Variants in CUX2 observed in about 807,000 individuals in gnomAD.
The protein encoded by CUX2 is cut like homeobox 2.
A neutral mutation model predicts 144.8 loss-of-function variants in CUX2; 40 were observed. The observed-to-expected ratio is 0.28, with a 90% CI of 0.21 to 0.36. The LOEUF (loss-of-function observed/expected upper bound fraction) is 0.36, where lower values mean the gene tolerates loss of function less well. Ranked by LOEUF, CUX2 falls within the 10% of genes least tolerant of loss-of-function variation. The pLI is 1.00. For missense variants in CUX2, 1,615 were observed against 1,994.0 expected, an observed-to-expected ratio of 0.81 and a Z score of 3.62; for synonymous variants, 827 against 875.6, an observed-to-expected ratio of 0.94 and a Z score of 0.98.
chr12:111,275,969 G>A (rs1008817246), intron 4 of CUX2, among the ~76,000 whole-genome samples: 1 of 152,008 alleles, frequency 6.6e-6, no homozygotes, highest in Non-Finnish European at 1.5e-5. Context: ...TATTTTTATG[G>A]TTGAAGCACC....
At chr12:111,075,442 G>A (rs1871479884) in intron 1 of CUX2, among the ~76,000 whole-genome samples, 2 of 152,140 alleles carry the variant, frequency 1.3e-5, no homozygotes, top group African/African-American at 4.8e-5. Context: ...TCTCCTGGAT[G>A]TTCTCTGGGG....
At chr12:111,179,465 G>A (rs1283192091) in intron 1 of CUX2, among the ~76,000 whole-genome samples, 1 of 152,118 alleles carries the variant, frequency 6.6e-6, no homozygotes, top group Non-Finnish European at 1.5e-5. Flanking sequence ...ACTTCTTTGG[G>A]CCTCAGTTTC....
intron 4 of CUX2, among the ~76,000 whole-genome samples, chr12:111,266,969 G>A (rs1481280898): frequency 1.3e-5 from 2 of 152,194 alleles, no homozygotes; most frequent in Non-Finnish European, 2.9e-5. Flanking sequence ...GCCCAGGTGG[G>A]AGGATCACTT....
At chr12:111,084,863 G>C in intron 1 of CUX2, among the ~76,000 whole-genome samples, 1 of 152,148 alleles carries the variant, frequency 6.6e-6, no homozygotes, top group East Asian at 1.9e-4. Flanking sequence ...CTTCTGGAGA[G>C]GCTGCTGCGG....
chr12:111,265,319 A>ATTTTATTTTATTTTATTTTAT (rs1347566257), intron 4 of CUX2, among the ~76,000 whole-genome samples: 24 of 68,228 alleles, frequency 3.5e-4, no homozygotes, highest in African/African-American at 1.6e-3. Context: ...TTTTTATTTT[A>ATTTTATTTTATTTTATTTTAT]TTTTATTTTA....
At position 111,059,391 on chromosome 12, in the gene CUX2, C is replaced by T. The variant is rs905925352; in HGVS notation, c.63+25151C>T. On this transcript the variant is annotated intron_variant, in intron 1 of 21. Transcript: ENST00000261726. This position sits in a 1 kb window ranked among gnomAD's most constrained non-coding sequence, Gnocchi z 5.3. ...AATGTTCTTGATAAGGCTAGGTGCC[C>T]CTGGCCCCAGCGAGGGGCTTCTTGG... is the stretch of plus-strand genomic sequence containing the variant. Among the ~76,000 whole-genome samples the T allele has an allele frequency of 2.0e-5, 3 of 152,232 alleles. No homozygotes were observed. Among genetic ancestry groups the T allele is most frequent in the Non-Finnish European group, 4.4e-5 (3 of 68,040 alleles).
intron 1 of CUX2, among the ~76,000 whole-genome samples, chr12:111,088,341 C>A (rs1324638643): frequency 2.0e-5 from 3 of 152,316 alleles, no homozygotes; most frequent in African/African-American, 7.2e-5. Context: ...ATCCTCCCTT[C>A]TCAGCCTCCC....
chr12:111,193,561 G>A (rs1055206471), intron 1 of CUX2, among the ~76,000 whole-genome samples: 3 of 152,112 alleles, frequency 2.0e-5, no homozygotes, highest in East Asian at 1.9e-4. Context: ...TTTCTCCCTC[G>A]CTATTGTAAT....
intron 18 of CUX2, among the ~76,000 whole-genome samples, chr12:111,334,147 A>G (rs1047181287): frequency 1.3e-5 from 2 of 151,474 alleles, no homozygotes; most frequent in African/African-American, 4.9e-5. Context: ...AGATCACACC[A>G]CTGCACTCCA....
At chr12:111,076,172 G>A (rs1871527094) in intron 1 of CUX2, among the ~76,000 whole-genome samples, 1 of 152,178 alleles carries the variant, frequency 6.6e-6, no homozygotes, top group South Asian at 2.1e-4. Flanking sequence ...AGGCAAGTCA[G>A]CATCATCATT....
rs368893159 is a variant in CUX2, at chr12:111,217,844, G to A, written c.175-46G>A. ...AGCTACAAGCAGGGGCCACGGGGGCGTCCCACCTGGCACTGTAGTGAACTC... is the reference window on the plus strand; with the variant it reads ...AGCTACAAGCAGGGGCCACGGGGGCATCCCACCTGGCACTGTAGTGAACTC... On this transcript the variant is annotated intron_variant, in intron 2 of 21. Coordinates refer to ENST00000261726, the MANE Select transcript of CUX2 (RefSeq NM_015267.4). 1.8e-4 allele frequency: 286 copies of A among 1,603,568 alleles called. No homozygotes were observed. The East Asian group carries it at 4.6e-3, about 26-fold the overall frequency.
At chr12:111,314,406 C>T (rs1247147112) in intron 16 of CUX2, among the ~76,000 whole-genome samples, 2 of 151,996 alleles carry the variant, frequency 1.3e-5, no homozygotes, top group African/African-American at 4.8e-5. Flanking sequence ...AGGCCGAGGC[C>T]AAGGCGGGCA....
intron 3 of CUX2, among the ~76,000 whole-genome samples, chr12:111,249,305 A>G (rs1883438101): frequency 6.6e-6 from 1 of 151,826 alleles, no homozygotes. Context: ...CCCATCTGTG[A>G]AATGAGGAAG....
At chr12:111,230,367 G>C (rs1462507870) in intron 3 of CUX2, among the ~76,000 whole-genome samples, 4 of 152,158 alleles carry the variant, frequency 2.6e-5, no homozygotes, top group Non-Finnish European at 4.4e-5. Flanking sequence ...TCACTATTCA[G>C]TGTGGTCACC....
intron 1 of CUX2, among the ~76,000 whole-genome samples, chr12:111,086,465 T>C (rs1286752729): frequency 6.6e-6 from 1 of 152,220 alleles, no homozygotes; most frequent in East Asian, 1.9e-4. Flanking sequence ...TCATAGTTAA[T>C]GAGGAACTGT....
At chr12:111,311,450 G>A (rs575682210) in intron 15 of CUX2, among the ~76,000 whole-genome samples, 40 of 152,070 alleles carry the variant, frequency 2.6e-4, no homozygotes, top group Non-Finnish European at 4.9e-4. Context: ...CACCATGCCT[G>A]GCTAATTTTT....
At chr12:111,334,794 C>G in intron 19 of CUX2, 84 bp downstream of exon 19, 2 of 1,418,764 alleles carry the variant, frequency 1.4e-6, no homozygotes, top group East Asian at 2.3e-5. Context: ...GGAGCTGGGA[C>G]CCAGTGGCTC....
chr12:111,171,424 G>C lies in CUX2; in HGVS notation c.64-42776G>C, dbSNP rs1386090764. On this transcript the variant is annotated intron_variant, in intron 1 of 21. Coordinates refer to ENST00000261726, the MANE Select transcript of CUX2 (RefSeq NM_015267.4). This position sits in a 1 kb window ranked among gnomAD's most constrained non-coding sequence, Gnocchi z 5.0. ...CCGGCCAGAAGGACAGACGAGAGGG[G>C]TTTCTTATGCACCAGTGGGAGTGGG... Among the ~76,000 whole-genome samples the C allele has an allele frequency of 1.3e-5, 2 of 152,190 alleles. No individual in the cohort carries two copies. The highest frequency in any genetic ancestry group is 4.8e-5 in the African/African-American group (2 of 41,446).
chr12:111,224,069 GGA>G (rs1881997743), intron 3 of CUX2, among the ~76,000 whole-genome samples: 1 of 152,272 alleles, frequency 6.6e-6, no homozygotes, highest in South Asian at 2.1e-4. Flanking sequence ...TTAGAGCAGA[GGA>G]GGGACCAGCT....
Sources: allele counts gnomAD v4.1 joint callset (sites outside exome capture counted in the v4.1 genomes callset), GRCh38; gene constraint gnomAD v4.1.1; non-coding constraint Gnocchi (gnomAD v3.1); transcripts MANE v1.5; gene names NCBI Gene and HGNC (gene_info 2026-07-23, HGNC 2026-07-21).